Variants in GSG1L observed in about 807,000 individuals in gnomAD.
GSG1L encodes the protein germ cell-specific gene 1-like protein.
Under a neutral mutation model 42.1 loss-of-function variants are expected in GSG1L, and 24 were observed. The ratio of observed to expected loss-of-function variants is 0.57; its 90% confidence interval spans 0.41 to 0.80. GSG1L has a LOEUF of 0.80. GSG1L is among the 30% of genes least tolerant of loss of function. The pLI, the probability that GSG1L is intolerant of heterozygous loss-of-function variation, is 0.00. For missense variants in GSG1L, 445 were observed against 472.2 expected, an observed-to-expected ratio of 0.94 and a Z score of 0.53; for synonymous variants, 215 against 203.5, an observed-to-expected ratio of 1.06 and a Z score of -0.48.
chr16:27,947,554 A>AAGGAAAGAAAGAAAGC, intron 2 of GSG1L, among the ~76,000 whole-genome samples: 1 of 79,444 alleles, frequency 1.3e-5, no homozygotes, highest in South Asian at 3.3e-4. Context: ...AGAAAGAAAG[A>AAGGAAAGAAAGAAAGC]AAGAAAGAAA....
At chr16:28,062,938 C>G in intron 1 of GSG1L, 138 bp downstream of exon 1, 1 of 1,162,182 alleles carries the variant, frequency 8.6e-7, no homozygotes, top group Non-Finnish European at 1.1e-6. Flanking sequence ...CCCGGAACGT[C>G]GCCCCTAGCC....
chr16:27,793,708 C>T (rs767702995), intron 6 of GSG1L, among the ~76,000 whole-genome samples: 10 of 152,206 alleles, frequency 6.6e-5, no homozygotes, highest in South Asian at 2.1e-4. Context: ...GGCTGTCTGT[C>T]CCCTGGATGC....
intron 5 of GSG1L, among the ~76,000 whole-genome samples, chr16:27,820,321 C>G (rs2083138087): frequency 6.6e-6 from 1 of 152,104 alleles, no homozygotes; most frequent in African/African-American, 2.4e-5. Context: ...TGTAGGAAAC[C>G]AGAGACGGCG....
chr16:27,823,500 C>T lies in GSG1L; in HGVS notation c.830+5289G>A, dbSNP rs137883868. On this transcript the variant is annotated intron_variant, in intron 5 of 6. Transcript: ENST00000447459. ...TGGGAAAGGGACAGTTTAATTTCTTCCTGTCCATCAGCCCCCGCAGGGCAC... is the reference window on the plus strand; with the variant it reads ...TGGGAAAGGGACAGTTTAATTTCTTTCTGTCCATCAGCCCCCGCAGGGCAC... Among the ~76,000 whole-genome samples, 216 of 152,214 alleles carry T rather than the reference C, an allele frequency of 1.4e-3. 1 individual carries two copies. Among genetic ancestry groups the T allele is most frequent in the Non-Finnish European group, 2.2e-3 (152 of 68,002 alleles).
intron 2 of GSG1L, among the ~76,000 whole-genome samples, chr16:27,955,548 C>A (rs1246109193): frequency 6.6e-6 from 1 of 152,128 alleles, no homozygotes. Context: ...AGGGAGCAGC[C>A]AATCCTTCCC....
intron 2 of GSG1L, among the ~76,000 whole-genome samples, chr16:27,914,347 G>A (rs2084426013): frequency 6.6e-6 from 1 of 152,100 alleles, no homozygotes; most frequent in African/African-American, 2.4e-5. Flanking sequence ...ATTAAGTGGA[G>A]TACCAAGTTC....
At position 27,836,456 on chromosome 16, in the gene GSG1L, C is replaced by T. The variant is rs994227863; in HGVS notation, c.663-7500G>A. On this transcript the variant is annotated intron_variant, in intron 4 of 6. Coordinates refer to ENST00000447459, the MANE Select transcript of GSG1L (RefSeq NM_001109763.2). ...TTTCTTTCAGTACTTGGTCCAGTCC[C>T]ATCCTCTTCCTCCTTTTCTTCTGGG... Among the ~76,000 whole-genome samples, 139 of 152,186 alleles carry T rather than the reference C, an allele frequency of 9.1e-4. 1 individual carries two copies. Among genetic ancestry groups the T allele is most frequent in the African/African-American group, 3.2e-3 (134 of 41,534 alleles).
intron 2 of GSG1L, among the ~76,000 whole-genome samples, chr16:27,915,176 G>A (rs906087626): frequency 2.7e-5 from 4 of 145,818 alleles, no homozygotes; most frequent in African/African-American, 7.6e-5. Context: ...GAGCAGAGGT[G>A]TCTCTTCCCC....
chr16:27,980,914 A>AAAAAG (rs2085319307), intron 1 of GSG1L, among the ~76,000 whole-genome samples: 1 of 151,512 alleles, frequency 6.6e-6, no homozygotes, highest in Admixed American at 6.6e-5. Context: ...AAAAAAAAAA[A>AAAAAG]AAAGAAAGAA....
chr16:27,915,196 T>C (rs961607808), intron 2 of GSG1L, among the ~76,000 whole-genome samples: 2 of 121,784 alleles, frequency 1.6e-5, no homozygotes, highest in African/African-American at 3.1e-5. Flanking sequence ...CCAGAGGATG[T>C]ACACACACAC....
chr16:27,947,329 T>C (rs1219473741), intron 2 of GSG1L, among the ~76,000 whole-genome samples: 1 of 137,120 alleles, frequency 7.3e-6, no homozygotes, highest in Non-Finnish European at 1.5e-5. Context: ...CTTCCTGATC[T>C]GAAAAAAGGA....
At chr16:27,991,510 T>C (rs2085455990) in intron 1 of GSG1L, among the ~76,000 whole-genome samples, 1 of 151,996 alleles carries the variant, frequency 6.6e-6, no homozygotes, top group Non-Finnish European at 1.5e-5. Flanking sequence ...GTTCAAGTGA[T>C]TCTCCTGCCT....
In GSG1L at chr16:27,879,667, C is replaced by G. The variant is rs1475666710; in HGVS notation, c.550+4819G>C. Among the ~76,000 whole-genome samples, 6 of 152,060 alleles carry G rather than the reference C, an allele frequency of 3.9e-5. 1 individual carries two copies. The highest frequency in any genetic ancestry group is 1.4e-4 in the African/African-American group (6 of 41,418). On this transcript the variant is annotated intron_variant, in intron 3 of 6. Transcript: ENST00000447459. ...TTAAAAAATGGCTTAATATTTGCAT[C>G]TAACCTACATGCATCCTCCTGTATA...
chr16:27,827,894 CCA>C (rs747036145), intron 5 of GSG1L, among the ~76,000 whole-genome samples: 14,948 of 137,282 alleles, frequency 0.11, 1,127 homozygotes, highest in African/African-American at 0.22. Flanking sequence ...ATCCATCCAT[CCA>C]TCCATCCCTT....
At chr16:27,873,558 T>A (rs2083850191) in intron 3 of GSG1L, among the ~76,000 whole-genome samples, 1 of 152,152 alleles carries the variant, frequency 6.6e-6, no homozygotes, top group African/African-American at 2.4e-5. Context: ...CCCCGCCCCC[T>A]CTTTGCCAGA....
At chr16:27,814,534 A>T (rs936550698) in intron 5 of GSG1L, among the ~76,000 whole-genome samples, 5 of 152,012 alleles carry the variant, frequency 3.3e-5, no homozygotes, top group Admixed American at 3.3e-4. Context: ...AAAATACAAA[A>T]ATCAGCCAGG....
chr16:27,826,182 T>G (rs1331583246), intron 5 of GSG1L, among the ~76,000 whole-genome samples: 1 of 151,960 alleles, frequency 6.6e-6, no homozygotes, highest in African/African-American at 2.4e-5. Context: ...GCACTTGGAG[T>G]GCCTGAGGGA....
Position 27,933,215 on chromosome 16 carries a change from C to G in GSG1L, c.397+29941G>C, listed in dbSNP as rs1039745655. Among the ~76,000 whole-genome samples the G allele has an allele frequency of 1.1e-4, 17 of 152,020 alleles. 1 individual carries two copies. Among genetic ancestry groups the G allele is most frequent in the African/African-American group, 3.6e-4 (15 of 41,376 alleles). On this transcript the variant is annotated intron_variant, in intron 2 of 6. Coordinates refer to ENST00000447459, the MANE Select transcript of GSG1L (RefSeq NM_001109763.2). ...CAATCAACTGGAGACTGGTATGGAC[C>G]ATTCAGGACCATAGCCTTGACCTGA...
At chr16:27,795,233 A>G (rs963510545) in intron 6 of GSG1L, among the ~76,000 whole-genome samples, 2 of 151,726 alleles carry the variant, frequency 1.3e-5, no homozygotes, top group African/African-American at 4.8e-5. Context: ...GGAGAGAGTG[A>G]TTCCTGCGCT....
Sources: gnomAD v4.1 joint callset for allele counts (sites outside exome capture counted in the v4.1 genomes callset) on GRCh38, gnomAD v4.1.1 for gene constraint, MANE v1.5 for transcripts, NCBI Gene and HGNC (gene_info 2026-07-23, HGNC 2026-07-21) for gene names.